PAX5: variants seen among roughly 807,000 people sequenced by gnomAD.
The protein encoded by PAX5 is paired box protein Pax-5.
PAX5 carries 9 observed loss-of-function variants against 43.7 expected under a neutral mutation model. The observed-to-expected ratio is 0.21, with a 90% CI of 0.12 to 0.36. PAX5 has a LOEUF of 0.36. PAX5 is among the 10% of genes least tolerant of loss of function. PAX5 has a pLI of 1.00. For synonymous variants in PAX5, 228 were observed against 214.3 expected (o/e 1.06, Z -0.56); for missense variants, 383 against 532.7 (o/e 0.72, Z 2.77).
rs549041042 is a variant in PAX5, at chr9:36,837,908, C to T, written c.*2652G>A. 1.2e-3 allele frequency: 282 copies of T among 233,338 alleles called. 1 individual carries two copies. Among genetic ancestry groups the T allele is most frequent in the Admixed American group, 1.5e-3 (26 of 17,794 alleles). 14.5% of individuals were successfully genotyped at this position (233,338 alleles called of 1,614,324 possible). On this transcript the variant is annotated 3_prime_UTR_variant, in exon 10 of 10. Transcript: ENST00000358127. ...AGCTGGTTCAGGGGAGGCTGACCTC[C>T]TCCCAACAGCCTGGAACCACAAGGA...
At chr9:36,990,578 G>C (rs1836845268) in intron 5 of PAX5, among the ~76,000 whole-genome samples, 1 of 152,252 alleles carries the variant, frequency 6.6e-6, no homozygotes, top group African/African-American at 2.4e-5. Context: ...CGACATTGGA[G>C]ATGGGGACCA....
chr9:37,028,788 T>TG (rs1217527315), intron 1 of PAX5, among the ~76,000 whole-genome samples: 1 of 152,232 alleles, frequency 6.6e-6, no homozygotes, highest in East Asian at 1.9e-4. Flanking sequence ...TTCCAGTTGA[T>TG]GGGAAACTGA....
rs554675428 is a variant in PAX5 at position 36,859,242 on chromosome 9, C to T, written c.1013-12313G>A. On this transcript the variant is annotated intron_variant, in intron 8 of 9. Transcript: ENST00000358127. ...CTGCCCACGGAGAGCCCACAGTCTG[C>T]GGGAGGGGCAGGCGCGCACATAAAT... 2.4e-4 allele frequency among the ~76,000 whole-genome samples: 36 copies of T among 152,214 alleles called. No homozygotes were observed. The South Asian group carries it at 4.8e-3, about 20-fold the overall frequency.
At chr9:36,930,466 A>G (rs1338660241) in intron 6 of PAX5, among the ~76,000 whole-genome samples, 2 of 152,078 alleles carry the variant, frequency 1.3e-5, no homozygotes, top group Admixed American at 1.3e-4. Context: ...AGCTCAATTG[A>G]TCCACCCACC....
chr9:36,981,193 C>CG lies in PAX5; in HGVS notation c.605-14470_605-14469insC, dbSNP rs1046388595. 1.7e-4 allele frequency among the ~76,000 whole-genome samples: 25 copies of CG among 150,056 alleles called. 2 individuals are homozygous for CG. The Middle Eastern group carries it at 0.02, about 122-fold the overall frequency. On this transcript the variant is annotated intron_variant, in intron 5 of 9. Transcript: ENST00000358127. Reference sequence around the variant, plus strand: ...CCTCCAAAAACAGCAAAGCCCCCCCCCCCTCAGCCCTGCTTCATTCCCTGT... The same window carrying CG: ...CCTCCAAAAACAGCAAAGCCCCCCCCGCCCTCAGCCCTGCTTCATTCCCTGT...
intron 5 of PAX5, among the ~76,000 whole-genome samples, chr9:36,967,845 TC>T (rs1388522384): frequency 1.3e-5 from 2 of 152,216 alleles, no homozygotes; most frequent in Non-Finnish European, 2.9e-5. Flanking sequence ...AAGATTAAAT[TC>T]CCTCTGTGTT....
intron 5 of PAX5, among the ~76,000 whole-genome samples, chr9:36,966,946 C>T (rs1239564128): frequency 6.6e-6 from 1 of 152,166 alleles, no homozygotes; most frequent in Non-Finnish European, 1.5e-5. Context: ...CTGTGCAAAG[C>T]CCTTTTGACA....
At chr9:36,925,780 A>T (rs1341185316) in intron 6 of PAX5, among the ~76,000 whole-genome samples, 12 of 152,148 alleles carry the variant, frequency 7.9e-5, no homozygotes, top group Non-Finnish European at 1.5e-4. Flanking sequence ...CTGGCCTGGG[A>T]TGCTCACGCA....
At chr9:36,962,404 A>G (rs1437217727) in intron 6 of PAX5, among the ~76,000 whole-genome samples, 1 of 152,172 alleles carries the variant, frequency 6.6e-6, no homozygotes, top group Non-Finnish European at 1.5e-5. Flanking sequence ...AACTCCTTGA[A>G]TAAACAATCT....
Position 37,034,088 on chromosome 9 carries a change from CTTTTTTTTTCTTTTTTT to C in PAX5, c.-74_-58del. 8.9e-6 allele frequency: 4 copies of C among 447,900 alleles called. No homozygotes were observed. The highest frequency in any genetic ancestry group is 6.9e-5 in the South Asian group (2 of 29,082). The allele number at this position is 447,900 out of a possible 1,614,324, so 27.7% of individuals were successfully genotyped here. A position where few individuals can be genotyped will look rare whatever the true frequency, so the allele number is the denominator to read the frequency against. ...GGGAAAAGTTTCCACTTTTTTGTGC[CTTTTTTTTTCTTTTTTT>C]TTTTTTTTTTTTTTTTTTTTTGGTG... On this transcript the variant is annotated 5_prime_UTR_variant, in exon 1 of 10. Coordinates refer to ENST00000358127, the MANE Select transcript of PAX5 (RefSeq NM_016734.3).
intron 7 of PAX5, among the ~76,000 whole-genome samples, chr9:36,887,055 G>C (rs1826963451): frequency 6.6e-6 from 1 of 152,164 alleles, no homozygotes; most frequent in Non-Finnish European, 1.5e-5. Flanking sequence ...TGAGGCTCAG[G>C]GATGAGTTTT....
intron 6 of PAX5, among the ~76,000 whole-genome samples, chr9:36,957,033 C>A (rs1017362020): frequency 2.0e-5 from 3 of 152,236 alleles, no homozygotes; most frequent in Non-Finnish European, 4.4e-5. Flanking sequence ...CCCACTTCCA[C>A]CCTCTTATAG....
intron 5 of PAX5, 57 bp downstream of exon 5, chr9:37,002,578 CCCGCGACCGAGCG>C (rs1837986725): frequency 6.5e-7 from 1 of 1,544,458 alleles, no homozygotes; most frequent in South Asian, 1.2e-5. Flanking sequence ...TCTGCTGCCA[CCCGCGACCGAGCG>C]CCGGAAACAG....
At chr9:36,952,265 A>T (rs1833075931) in intron 6 of PAX5, among the ~76,000 whole-genome samples, 1 of 96,710 alleles carries the variant, frequency 1.0e-5, no homozygotes. Context: ...TTTGAGACAG[A>T]GTCTTGCTCT....
At chr9:36,959,560 G>T (rs915725073) in intron 6 of PAX5, among the ~76,000 whole-genome samples, 1 of 152,196 alleles carries the variant, frequency 6.6e-6, no homozygotes, top group Non-Finnish European at 1.5e-5. Context: ...ACAGCCCCAC[G>T]AGGAGAGAGG....
chr9:36,964,968 G>C (rs1468220147), intron 6 of PAX5, among the ~76,000 whole-genome samples: 1 of 151,984 alleles, frequency 6.6e-6, no homozygotes, highest in Non-Finnish European at 1.5e-5. Flanking sequence ...CAACCACACC[G>C]GCTCTCTCCA....
chr9:36,868,520 A>G (rs552265282), intron 8 of PAX5, among the ~76,000 whole-genome samples: 41 of 152,256 alleles, frequency 2.7e-4, no homozygotes, highest in East Asian at 1.5e-3. Context: ...GTCTAGGAAC[A>G]TGTGTCAAAC....
At chr9:37,020,297 A>C (rs987079838) in intron 2 of PAX5, among the ~76,000 whole-genome samples, 4 of 152,240 alleles carry the variant, frequency 2.6e-5, no homozygotes, top group Admixed American at 2.0e-4. Flanking sequence ...AACTCTGGTT[A>C]TGTGATATTA....
At position 36,835,592 on chromosome 9, in the gene PAX5, C is replaced by T. The variant is rs551280681; in HGVS notation, c.*4968G>A. The T allele has an allele frequency of 4.3e-5, 10 of 233,358 alleles. No homozygotes were observed. Among genetic ancestry groups the T allele is most frequent in the Middle Eastern group, 1.3e-3 (1 of 788 alleles). The allele number at this position is 233,358 out of a possible 1,614,324, so 14.5% of individuals were successfully genotyped here. ...GAAGGGGCTGCTGGGAGGTGGGGCA[C>T]GCCGTGGGCTAGGAGTCGTGGCCTG... On this transcript the variant is annotated 3_prime_UTR_variant, in exon 10 of 10. Coordinates refer to ENST00000358127, the MANE Select transcript of PAX5 (RefSeq NM_016734.3).
Sources: allele counts gnomAD v4.1 joint callset (sites outside exome capture counted in the v4.1 genomes callset), GRCh38; gene constraint gnomAD v4.1.1; transcripts MANE v1.5; gene names NCBI Gene and HGNC (gene_info 2026-07-23, HGNC 2026-07-21).